SNX13: variants seen among roughly 807,000 people sequenced by gnomAD.
The protein encoded by SNX13 is sorting nexin 13.
In SNX13, 45 loss-of-function variants were observed where a neutral mutation model predicts 133.6. That is an observed-to-expected ratio of 0.34 (90% CI 0.27 to 0.43). SNX13 has a LOEUF of 0.43. Ranked by LOEUF, SNX13 falls within the 20% of genes least tolerant of loss-of-function variation. The pLI is 1.00. For missense variants in SNX13, 1,032 were observed against 1,145.1 expected (o/e 0.90, Z 1.43); for synonymous variants, 414 against 373.9 (o/e 1.11, Z -1.24).
At position 17,814,897 on chromosome 7, in the gene SNX13, G is replaced by C; in HGVS notation, c.2001C>G (p.His667Gln). Reference sequence around the variant, plus strand: ...TGTTCTCAAGGAAATCATACACATAGTGAGCTAAAGCGGGGGATGCCTTCA... The same window carrying C: ...TGTTCTCAAGGAAATCATACACATACTGAGCTAAAGCGGGGGATGCCTTCA... The part of the protein sequence containing the change: ...EMMKASPALA[H>Q]YVYDFLENKA... The change falls in exon 20 of 26, where the codon CAC (histidine) becomes CAG (glutamine). Residue 667 changes from histidine to glutamine, a missense_variant. Physicochemically the swap from His to Gln is conservative, Grantham distance 24. Coordinates refer to ENST00000428135, the MANE Select transcript of SNX13 (RefSeq NM_015132.5). 1 of 1,541,638 alleles carries C rather than the reference G, an allele frequency of 6.5e-7. No individual in the cohort carries two copies. The highest frequency in any genetic ancestry group is 1.3e-5 in the South Asian group (1 of 77,914).
Position 17,834,710 on chromosome 7 carries a change from AGTAT to A in SNX13, c.1464+47_1464+50del, listed in dbSNP as rs886520737. 3 of 1,245,544 alleles carry A rather than the reference AGTAT, an allele frequency of 2.4e-6. No homozygotes were observed. The African/African-American group carries it at 4.6e-5, about 19-fold the overall frequency. The allele number at this position is 1,245,544 out of a possible 1,614,324, so 77.2% of individuals were successfully genotyped here. On this transcript the variant is annotated intron_variant, in intron 14 of 25. Coordinates refer to ENST00000428135, the MANE Select transcript of SNX13 (RefSeq NM_015132.5). ...TTAAAAACTAATTACATTACATAAA[AGTAT>A]TTTTTCTCAAAAAAGATAAAATGAT... is the stretch of plus-strand genomic sequence containing the variant.
chr7:17,808,087 A>G (rs1468788411), intron 20 of SNX13, among the ~76,000 whole-genome samples: 1 of 152,250 alleles, frequency 6.6e-6, no homozygotes, highest in Non-Finnish European at 1.5e-5. Flanking sequence ...GCAAAGGAAC[A>G]AAACTGGATG....
At chr7:17,913,091 G>A (rs896571939) in intron 1 of SNX13, among the ~76,000 whole-genome samples, 2 of 152,198 alleles carry the variant, frequency 1.3e-5, no homozygotes, top group Non-Finnish European at 2.9e-5. Context: ...AGGAGCGGGA[G>A]GGAGGCAGAC....
At chr7:17,832,558 G>C in intron 15 of SNX13, 1 of 886,902 alleles carries the variant, frequency 1.1e-6, no homozygotes. Flanking sequence ...AGTCATTTTA[G>C]GATGGTTAGT....
intron 22 of SNX13, among the ~76,000 whole-genome samples, chr7:17,799,986 C>T (rs1524777): frequency 0.6 from 90,449 of 151,466 alleles, 28,157 homozygotes; most frequent in African/African-American, 0.76. Flanking sequence ...TTCACTGTCA[C>T]GTTACAAACA....
chr7:17,813,813 T>G (rs1786335182), intron 20 of SNX13, among the ~76,000 whole-genome samples: 1 of 151,966 alleles, frequency 6.6e-6, no homozygotes, highest in Non-Finnish European at 1.5e-5. Flanking sequence ...CTTGAACTCT[T>G]AGGCCCAAGC....
intron 1 of SNX13, chr7:17,898,101 G>A (rs1488332464): frequency 6.7e-6 from 1 of 150,024 alleles, no homozygotes; most frequent in Non-Finnish European, 1.5e-5. Flanking sequence ...ATTTCATACA[G>A]AATTATACTG....
At chr7:17,836,366 A>G (rs916501509) in intron 13 of SNX13, among the ~76,000 whole-genome samples, 2 of 152,032 alleles carry the variant, frequency 1.3e-5, no homozygotes, top group East Asian at 1.9e-4. Flanking sequence ...AAAAAATACA[A>G]AAATTAGCTG....
chr7:17,811,208 A>G (rs1785977894), intron 20 of SNX13, among the ~76,000 whole-genome samples: 1 of 152,206 alleles, frequency 6.6e-6, no homozygotes, highest in African/African-American at 2.4e-5. Flanking sequence ...GAGAAAGTCA[A>G]ATTATCTCTG....
In SNX13 at chr7:17,905,537, T is replaced by C. The variant is rs149368182; in HGVS notation, c.13-8091A>G. Among the ~76,000 whole-genome samples the C allele has an allele frequency of 3.2e-4, 48 of 152,292 alleles. 1 individual carries two copies. In the East Asian group the frequency reaches 6.8e-3, roughly 21 times the overall value. Reference sequence around the variant, plus strand: ...AAAAGGCAGTTTTGCAGGTGAACAATAAAAATTAATCTCCTTTATTTACAA... The same window carrying C: ...AAAAGGCAGTTTTGCAGGTGAACAACAAAAATTAATCTCCTTTATTTACAA... On this transcript the variant is annotated intron_variant, in intron 1 of 25. Transcript: ENST00000428135.
chr7:17,794,657 C>T (rs1192990240), intron 25 of SNX13: 1 of 167,086 alleles, frequency 6.0e-6, no homozygotes, highest in Non-Finnish European at 1.3e-5. Context: ...ATAATAACAT[C>T]CTTATAAGGA....
chr7:17,820,820 TTAAAA>T (rs1418585686), intron 18 of SNX13, among the ~76,000 whole-genome samples: 10 of 152,174 alleles, frequency 6.6e-5, no homozygotes, highest in African/African-American at 2.4e-4. Flanking sequence ...TTTTTAAGAG[TTAAAA>T]TAAGTTAAAA....
intron 17 of SNX13, 48 bp from the exon 18 acceptor site, chr7:17,821,696 C>G (rs1787303254): frequency 1.3e-6 from 2 of 1,506,596 alleles, no homozygotes; most frequent in East Asian, 2.4e-5. Flanking sequence ...TCATTTAAAA[C>G]AAAATGAAGA....
At chr7:17,897,251 C>G in intron 2 of SNX13, 83 bp downstream of exon 2, 1 of 691,778 alleles carries the variant, frequency 1.4e-6, no homozygotes, top group Non-Finnish European at 2.1e-6. Flanking sequence ...ACAAATAAAT[C>G]ATACTCCCGT....
At chr7:17,937,585 C>T (rs1802261101) in intron 1 of SNX13, among the ~76,000 whole-genome samples, 1 of 149,702 alleles carries the variant, frequency 6.7e-6, no homozygotes, top group African/African-American at 2.5e-5. Context: ...GAACACTTAT[C>T]ATTACTATTC....
intron 1 of SNX13, among the ~76,000 whole-genome samples, chr7:17,937,844 G>C (rs1004311162): frequency 6.6e-6 from 1 of 152,122 alleles, no homozygotes; most frequent in African/African-American, 2.4e-5. Context: ...ACCTACCTCA[G>C]TGTTGAGATG....
chr7:17,822,179 C>T (rs1787369334), intron 17 of SNX13, among the ~76,000 whole-genome samples: 2 of 151,958 alleles, frequency 1.3e-5, no homozygotes, highest in African/African-American at 4.8e-5. Flanking sequence ...CAGTAGTTCA[C>T]AAGTGCGGTT....
chr7:17,803,446 A>G lies in SNX13; in HGVS notation c.2199T>C (p.Gly733=), dbSNP rs762388565. The G allele has an allele frequency of 7.4e-6, 12 of 1,611,664 alleles. No individual in the cohort carries two copies. In the Admixed American group the frequency reaches 2.0e-4, roughly 27 times the overall value. Residue 733 remains glycine, a synonymous_variant, in exon 21 of 26, where the codon GGT becomes GGC. Transcript: ENST00000428135. The stretch of plus-strand genomic sequence containing the variant: ...TAAAAAATGATTGCTTTATGTCTTG[A>G]CCTAATCTTTCTGACATTTTGCCCA... ...DNMGKMSERL[G]QDIKQSFFKV... is the part of the protein sequence containing the mutation.
intron 1 of SNX13, among the ~76,000 whole-genome samples, chr7:17,903,354 C>A (rs919263425): frequency 6.6e-6 from 1 of 152,102 alleles, no homozygotes; most frequent in Non-Finnish European, 1.5e-5. Flanking sequence ...AATCTCTAGG[C>A]CATAAAATCT....
Sources: gnomAD v4.1 joint callset for allele counts (sites outside exome capture counted in the v4.1 genomes callset) on GRCh38, gnomAD v4.1.1 for gene constraint, MANE v1.5 for transcripts, NCBI Gene and HGNC (gene_info 2026-07-23, HGNC 2026-07-21) for gene names.